Variants in IL1RAPL2 observed in about 807,000 individuals in gnomAD.
IL1RAPL2 encodes X-linked interleukin-1 receptor accessory protein-like 2.
A neutral mutation model predicts 44.1 loss-of-function variants in IL1RAPL2; 3 were observed. The ratio of observed to expected loss-of-function variants is 0.07; its 90% CI spans 0.03 to 0.18. The LOEUF is 0.18. Among genes scored for constraint, IL1RAPL2 ranks in the 10% least tolerant of loss-of-function variants. IL1RAPL2 has a pLI of 1.00. For missense variants in IL1RAPL2, 391 were observed against 496.4 expected, an observed-to-expected ratio of 0.79 and a Z score of 2.02; for synonymous variants, 181 against 178.8, an observed-to-expected ratio of 1.01 and a Z score of -0.10.
chrX:105,190,900 G>A (rs2033627334), intron 2 of IL1RAPL2, among the ~76,000 whole-genome samples: 1 of 112,209 alleles, frequency 8.9e-6, no homozygotes, highest in African/African-American at 3.2e-5. Context: ...TTGTACTGAA[G>A]AGGAAGTAGG....
intron 5 of IL1RAPL2, among the ~76,000 whole-genome samples, chrX:105,305,249 A>T (rs756971010): frequency 9.0e-6 from 1 of 111,024 alleles, no homozygotes; most frequent in Non-Finnish European, 1.9e-5. Context: ...AGTTCTAGAG[A>T]TCTGCAGTAC....
intron 2 of IL1RAPL2, among the ~76,000 whole-genome samples, chrX:105,189,240 CAG>C (rs1294474900): frequency 2.7e-5 from 3 of 112,254 alleles, no homozygotes; most frequent in African/African-American, 9.7e-5. Flanking sequence ...ATTTTTGAGA[CAG>C]AGTCTTGCTC....
chrX:105,764,500 T>TTGA (rs2038713563), intron 10 of IL1RAPL2, among the ~76,000 whole-genome samples: 1 of 112,075 alleles, frequency 8.9e-6, no homozygotes, highest in African/African-American at 3.3e-5. Flanking sequence ...TTTCTTTAAG[T>TTGA]TGATAGACTC....
chrX:104,983,992 G>C (rs1287688428), intron 2 of IL1RAPL2, among the ~76,000 whole-genome samples: 1 of 110,295 alleles, frequency 9.1e-6, no homozygotes, highest in Non-Finnish European at 1.9e-5. Context: ...CAACATCTAG[G>C]ACTAACTTTT....
chrX:105,207,432 AT>A (rs1376838474), intron 3 of IL1RAPL2, among the ~76,000 whole-genome samples: 2 of 111,817 alleles, frequency 1.8e-5, no homozygotes, highest in African/African-American at 6.5e-5. Context: ...CTTGAAAAAT[AT>A]CAAAGGTAAG....
chrX:105,022,934 C>T lies in IL1RAPL2; in HGVS notation c.83-172541C>T, dbSNP rs192411597. Reference sequence around the variant, plus strand: ...CTAAGGCTGCTGAATCTTGGTACTTCTTGATAGCAGCTGTGAAGCAGAGAT... The same window carrying T: ...CTAAGGCTGCTGAATCTTGGTACTTTTTGATAGCAGCTGTGAAGCAGAGAT... On this transcript the variant is annotated intron_variant, in intron 2 of 10. Transcript: ENST00000372582. Among the ~76,000 whole-genome samples the T allele has an allele frequency of 1.2e-3, 128 of 110,587 alleles. 1 individual carries two copies. Among genetic ancestry groups the T allele is most frequent in the Non-Finnish European group, 2.1e-3 (111 of 52,700 alleles).
rs114812057 is a variant in IL1RAPL2 at position 105,654,180 on chromosome X, T to A, written c.773-63187T>A. Among the ~76,000 whole-genome samples, 500 of 110,019 alleles carry A rather than the reference T, an allele frequency of 4.5e-3. 15 individuals carry two copies. The highest frequency in any genetic ancestry group is 0.016 in the African/African-American group (476 of 29,259). On this transcript the variant is annotated intron_variant, in intron 6 of 10. Coordinates refer to ENST00000372582, the MANE Select transcript of IL1RAPL2 (RefSeq NM_017416.2). The stretch of plus-strand genomic sequence containing the variant: ...TGATGGCTGAAACTGAATGCTTAAA[T>A]CTTTTAAACTCCACACTCCAGAAGA...
chrX:104,897,632 GCTT>G (rs1923693501), intron 2 of IL1RAPL2, among the ~76,000 whole-genome samples: 1 of 112,262 alleles, frequency 8.9e-6, no homozygotes, highest in Admixed American at 9.4e-5. Flanking sequence ...TTAGCAGGAT[GCTT>G]CTTATGTTTT....
intron 2 of IL1RAPL2, among the ~76,000 whole-genome samples, chrX:105,055,371 C>T (rs1420378358): frequency 8.9e-6 from 1 of 111,786 alleles, no homozygotes; most frequent in Admixed American, 9.5e-5. Context: ...TTTCAACATA[C>T]GAATGTTGGG....
intron 2 of IL1RAPL2, among the ~76,000 whole-genome samples, chrX:104,850,193 A>C (rs190000738): frequency 7.7e-4 from 86 of 111,449 alleles, no homozygotes; most frequent in African/African-American, 2.7e-3. Flanking sequence ...AGAATTTTTA[A>C]TGTGGTAGTT....
intron 2 of IL1RAPL2, among the ~76,000 whole-genome samples, chrX:104,723,204 A>G (rs1931718391): frequency 9.0e-6 from 1 of 111,610 alleles, no homozygotes; most frequent in African/African-American, 3.2e-5. Flanking sequence ...AAACTGCTAG[A>G]TTGAGTCTTG....
chrX:105,136,694 A>C (rs2033079786), intron 2 of IL1RAPL2, among the ~76,000 whole-genome samples: 1 of 112,381 alleles, frequency 8.9e-6, no homozygotes, highest in Admixed American at 9.4e-5. Context: ...GTAACAACAA[A>C]CTTTCCCATT....
intron 2 of IL1RAPL2, among the ~76,000 whole-genome samples, chrX:104,699,921 A>G (rs988365517): frequency 2.2e-4 from 24 of 111,020 alleles, no homozygotes; most frequent in African/African-American, 7.2e-4. Flanking sequence ...CAGAGTAAAT[A>G]ACTATATTTT....
chrX:104,830,196 G>A (rs1302970205), intron 2 of IL1RAPL2, among the ~76,000 whole-genome samples: 1 of 111,351 alleles, frequency 9.0e-6, no homozygotes, highest in Non-Finnish European at 1.9e-5. Context: ...GACACAGAAC[G>A]GGCAAAGACT....
chrX:105,275,556 T>C (rs2147660617), intron 5 of IL1RAPL2, among the ~76,000 whole-genome samples: 1 of 112,193 alleles, frequency 8.9e-6, no homozygotes, highest in East Asian at 2.8e-4. Flanking sequence ...GAGTATATGA[T>C]AGGTATTCAA....
chrX:104,616,938 C>T (rs1164726666), intron 1 of IL1RAPL2, among the ~76,000 whole-genome samples: 2 of 111,959 alleles, frequency 1.8e-5, no homozygotes. Flanking sequence ...GAAAGGTGAA[C>T]CCATTGGGTG....
chrX:104,629,410 C>T (rs1161659942), intron 1 of IL1RAPL2, among the ~76,000 whole-genome samples: 1 of 111,351 alleles, frequency 9.0e-6, no homozygotes, highest in Non-Finnish European at 1.9e-5. Context: ...TGTTTGAGCT[C>T]CTTGTGTATT....
rs1278156134 is a variant in IL1RAPL2, at chrX:105,363,288, TA to T, written c.697+95749del. ...TTATATATATGTGTGTATATATATA[TA>T]ATATATATATATATATATAATATAT... On this transcript the variant is annotated intron_variant, in intron 5 of 10. Coordinates refer to ENST00000372582, the MANE Select transcript of IL1RAPL2 (RefSeq NM_017416.2). 3.9e-3 allele frequency among the ~76,000 whole-genome samples: 281 copies of T among 71,148 alleles called. 4 individuals are homozygous for T. Among genetic ancestry groups the T allele is most frequent in the African/African-American group, 0.025 (263 of 10,480 alleles). 61.8% of individuals were successfully genotyped at this position (71,148 alleles called of 115,157 possible).
At chrX:105,524,318 T>C (rs934759839) in intron 6 of IL1RAPL2, among the ~76,000 whole-genome samples, 3 of 111,139 alleles carry the variant, frequency 2.7e-5, no homozygotes, top group African/African-American at 9.8e-5. Context: ...ATACATGATA[T>C]TATCCAAAAT....
Sources: allele counts gnomAD v4.1 joint callset (sites outside exome capture counted in the v4.1 genomes callset), GRCh38; gene constraint gnomAD v4.1.1; transcripts MANE v1.5; gene names NCBI Gene and HGNC (gene_info 2026-07-23, HGNC 2026-07-21).